Variants in AGBL3 observed in about 807,000 individuals in gnomAD.
AGBL3 encodes the protein cytosolic carboxypeptidase 3.
Under a neutral mutation model 94.5 loss-of-function variants are expected in AGBL3, and 68 were observed. The observed-to-expected ratio is 0.72, with a 90% CI of 0.59 to 0.88. The LOEUF is 0.88. Ranked by LOEUF, AGBL3 falls within the 40% of genes least tolerant of loss-of-function variation. The pLI is 0.00. For synonymous variants in AGBL3, 354 were observed against 370.7 expected (o/e 0.95, Z 0.52); for missense variants, 934 against 1,103.8 (o/e 0.85, Z 2.18).
intron 3 of AGBL3, among the ~76,000 whole-genome samples, chr7:134,989,598 C>T (rs188902171): frequency 2.0e-5 from 3 of 152,204 alleles, no homozygotes; most frequent in South Asian, 2.1e-4. Context: ...CAAGTTATAA[C>T]GGACAGATTA....
rs890038208 is a variant in AGBL3 at position 135,025,914 on chromosome 7, G to A, written c.419-6930G>A. Among the ~76,000 whole-genome samples the A allele has an allele frequency of 5.0e-3, 164 of 32,736 alleles. 5 individuals carry two copies. The highest frequency in any genetic ancestry group is 4.4e-3 in the South Asian group (2 of 456). The allele number at this position is 32,736 out of a possible 152,430, so 21.5% of individuals were successfully genotyped here. A position where few individuals can be genotyped will look rare whatever the true frequency, so the allele number is the denominator to read the frequency against. On this transcript the variant is annotated intron_variant, in intron 5 of 16. Coordinates refer to ENST00000436302, the MANE Select transcript of AGBL3 (RefSeq NM_178563.4). Reference sequence around the variant, plus strand: ...AAATATATATAAACCCAACAATGGCGCATCGTTTCATAAAAGTTCTTCTTG... The same window carrying A: ...AAATATATATAAACCCAACAATGGCACATCGTTTCATAAAAGTTCTTCTTG...
chr7:134,999,388 G>T (rs183833402), intron 4 of AGBL3, among the ~76,000 whole-genome samples: 4 of 152,126 alleles, frequency 2.6e-5, no homozygotes, highest in Non-Finnish European at 4.4e-5. Context: ...AGCCACCTGC[G>T]GTCTCCGTCT....
At chr7:135,079,687 C>T (rs1050056518) in intron 13 of AGBL3, among the ~76,000 whole-genome samples, 1 of 149,876 alleles carries the variant, frequency 6.7e-6, no homozygotes, top group South Asian at 2.1e-4. Context: ...AGGCTTGTCT[C>T]GAACTCCTGA....
At chr7:135,020,725 G>A (rs1428147363) in intron 5 of AGBL3, among the ~76,000 whole-genome samples, 3 of 151,902 alleles carry the variant, frequency 2.0e-5, no homozygotes, top group African/African-American at 4.8e-5. Context: ...AATACTATGC[G>A]GCCATAAAAA....
At chr7:135,038,778 A>G (rs1053016860) in intron 8 of AGBL3, among the ~76,000 whole-genome samples, 6 of 152,218 alleles carry the variant, frequency 3.9e-5, no homozygotes, top group Middle Eastern at 3.4e-3. Context: ...TGGCTAACAC[A>G]GTGAAACCCC....
chr7:134,990,724 A>G (rs888022414), intron 3 of AGBL3, among the ~76,000 whole-genome samples: 8 of 152,218 alleles, frequency 5.3e-5, no homozygotes, highest in African/African-American at 1.9e-4. Context: ...TTCTTCGCCA[A>G]TAATTCTTAG....
intron 4 of AGBL3, among the ~76,000 whole-genome samples, chr7:135,008,720 A>G (rs988295477): frequency 2.6e-5 from 4 of 152,176 alleles, no homozygotes; most frequent in African/African-American, 9.7e-5. Context: ...AGAACAAGAG[A>G]AAATATTTGA....
At chr7:135,094,813 GTTGT>G (rs1822409438) in intron 15 of AGBL3, among the ~76,000 whole-genome samples, 1 of 152,182 alleles carries the variant, frequency 6.6e-6, no homozygotes, top group Admixed American at 6.5e-5. Context: ...GATTACATAA[GTTGT>G]TTGTCAGATT....
At chr7:135,009,128 T>A (rs1013171083) in intron 4 of AGBL3, among the ~76,000 whole-genome samples, 1 of 152,230 alleles carries the variant, frequency 6.6e-6, no homozygotes, top group Non-Finnish European at 1.5e-5. Context: ...CTTGTAGGTA[T>A]GTACCCAAGA....
chr7:135,128,591 G>C, intron 16 of AGBL3: 1 of 771,200 alleles, frequency 1.3e-6, no homozygotes, highest in Non-Finnish European at 2.4e-6. Flanking sequence ...GTTTGTGAGC[G>C]CTATCTGCTC....
intron 11 of AGBL3, among the ~76,000 whole-genome samples, chr7:135,046,834 T>C (rs539812610): frequency 6.6e-6 from 1 of 152,222 alleles, no homozygotes; most frequent in Admixed American, 6.6e-5. Context: ...TTTGAGTAGA[T>C]ATCAAGGAGC....
In AGBL3 at chr7:135,017,104, G is replaced by T. The variant is rs551977035; in HGVS notation, c.363G>T (p.Thr121=). The T allele has an allele frequency of 6.4e-7, 1 of 1,551,250 alleles. No individual in the cohort carries two copies. Among genetic ancestry groups the T allele is most frequent in the Non-Finnish European group, 8.7e-7 (1 of 1,146,352 alleles). ...TGTATATCCCAACGGGCTTAGAAACGGAACCCCTTTATCCAGACTCCAAGG... is the reference window on the plus strand; with the variant it reads ...TGTATATCCCAACGGGCTTAGAAACTGAACCCCTTTATCCAGACTCCAAGG... ...EPVYIPTGLE[T]EPLYPDSKEA... Residue 121 remains threonine (T), a synonymous_variant, in exon 5 of 17, where the codon ACG becomes ACT. Coordinates refer to ENST00000436302, the MANE Select transcript of AGBL3 (RefSeq NM_178563.4).
At chr7:135,093,658 T>G (rs1822202226) in intron 15 of AGBL3, 2 of 152,160 alleles carry the variant, frequency 1.3e-5, no homozygotes, top group African/African-American at 4.8e-5. Flanking sequence ...ATCAGAAGAT[T>G]TAATATTGCT....
chr7:135,094,868 T>C (rs1022239382), intron 15 of AGBL3, among the ~76,000 whole-genome samples: 1 of 152,210 alleles, frequency 6.6e-6, no homozygotes, highest in African/African-American at 2.4e-5. Context: ...TAATCATTAG[T>C]AGAATGGTGC....
chr7:135,079,087 A>G (rs772559463), intron 13 of AGBL3, among the ~76,000 whole-genome samples: 11 of 152,296 alleles, frequency 7.2e-5, no homozygotes, highest in Middle Eastern at 3.4e-3. Context: ...TAGCTCATGT[A>G]CATAAGATCA....
chr7:135,133,089 AC>A (rs1829017222), intron 16 of AGBL3, among the ~76,000 whole-genome samples: 1 of 151,984 alleles, frequency 6.6e-6, no homozygotes, highest in Non-Finnish European at 1.5e-5. Flanking sequence ...ACACACACAC[AC>A]ACACACACAA....
In AGBL3 at chr7:134,994,494, C is replaced by T. The variant is rs541174017; in HGVS notation, c.310+816C>T. Among the ~76,000 whole-genome samples, 7 of 149,750 alleles carry T rather than the reference C, an allele frequency of 4.7e-5. No individual in the cohort carries two copies. The East Asian group carries it at 1.3e-3, about 29-fold the overall frequency. ...CCGTGCACAGGCATGACAGAAACAT[C>T]CCATTGTTCATCATCTTTTCACTGC... is the stretch of plus-strand genomic sequence containing the variant. On this transcript the variant is annotated intron_variant, in intron 4 of 16. Transcript: ENST00000436302.
intron 12 of AGBL3, among the ~76,000 whole-genome samples, chr7:135,074,127 A>C (rs1820236149): frequency 6.6e-6 from 1 of 152,236 alleles, no homozygotes; most frequent in Admixed American, 6.5e-5. Context: ...TGTGTTAATT[A>C]GCTTGATTGT....
chr7:135,131,459 TA>T (rs111322207), intron 16 of AGBL3, among the ~76,000 whole-genome samples: 4 of 149,990 alleles, frequency 2.7e-5, no homozygotes, highest in South Asian at 2.1e-4. Context: ...AAACAAAAAT[TA>T]AAAAAAAAAT....
Sources: allele counts gnomAD v4.1 joint callset (sites outside exome capture counted in the v4.1 genomes callset), GRCh38; gene constraint gnomAD v4.1.1; transcripts MANE v1.5; gene names NCBI Gene and HGNC (gene_info 2026-07-23, HGNC 2026-07-21).